PPFIA3: variants seen among roughly 807,000 people sequenced by gnomAD.
The protein encoded by PPFIA3 is PPFI scaffold protein A3.
A neutral mutation model predicts 145.8 loss-of-function variants in PPFIA3; 26 were observed. The observed-to-expected ratio is 0.18, with a 90% confidence interval of 0.13 to 0.25. The LOEUF is 0.25. Among genes scored for constraint, PPFIA3 ranks in the 10% least tolerant of loss-of-function variants. PPFIA3 has a pLI of 1.00. For missense variants in PPFIA3, 1,008 were observed against 1,587.8 expected, an observed-to-expected ratio of 0.63 and a Z score of 6.21; for synonymous variants, 645 against 661.4, an observed-to-expected ratio of 0.98 and a Z score of 0.38.
At chr19:49,125,851 G>A (rs1350693280) in intron 1 of PPFIA3, among the ~76,000 whole-genome samples, 1 of 152,164 alleles carries the variant, frequency 6.6e-6, no homozygotes, top group Non-Finnish European at 1.5e-5. Context: ...TGAGGGAGGC[G>A]GGAGCTAGTT....
chr19:49,141,594 G>T, intron 19 of PPFIA3, 81 bp downstream of exon 19: 1 of 1,097,232 alleles, frequency 9.1e-7, no homozygotes, highest in Non-Finnish European at 1.3e-6. Flanking sequence ...GTGTATGTGT[G>T]TGTATGAGTG....
intron 24 of PPFIA3, 79 bp from the exon 25 acceptor site, chr19:49,148,587 C>CAGTG (rs2041306045): frequency 7.9e-6 from 9 of 1,137,760 alleles, no homozygotes; most frequent in Non-Finnish European, 1.0e-5. Context: ...AGAGCGCAGC[C>CAGTG]AGTGGGGAGG....
At chr19:49,138,956 G>A (rs1045091609) in intron 16 of PPFIA3, among the ~76,000 whole-genome samples, 1 of 144,034 alleles carries the variant, frequency 6.9e-6, no homozygotes, top group Non-Finnish European at 1.6e-5. Context: ...GGGAGACAGA[G>A]TGAAACTGTG....
intron 1 of PPFIA3, among the ~76,000 whole-genome samples, chr19:49,123,185 C>T (rs1029727067): frequency 2.6e-5 from 4 of 151,944 alleles, no homozygotes; most frequent in East Asian, 1.9e-4. Context: ...CATGCCACCA[C>T]GCCTGGCTAA....
At chr19:49,119,979 C>T (rs906934877) in intron 1 of PPFIA3, among the ~76,000 whole-genome samples, 3 of 151,968 alleles carry the variant, frequency 2.0e-5, no homozygotes, top group Admixed American at 2.0e-4. Context: ...GGTCCGGCCC[C>T]GGGACCCCTC....
chr19:49,133,469 C>A lies in PPFIA3; in HGVS notation c.1161+98C>A, dbSNP rs1351258094. ...TGGAGGGGTAGGAGCGAGGTCAGAACCCCGGATTTGGGGGAAAGGGTGGGG... is the reference window on the plus strand; with the variant it reads ...TGGAGGGGTAGGAGCGAGGTCAGAAACCCGGATTTGGGGGAAAGGGTGGGG... On this transcript the variant is annotated intron_variant, in intron 9 of 29. Transcript: ENST00000334186. This position sits in a 1 kb window ranked among gnomAD's most constrained non-coding sequence, Gnocchi z 7.2. 2 of 1,386,460 alleles carry A rather than the reference C, an allele frequency of 1.4e-6. No individual in the cohort carries two copies. The highest frequency in any genetic ancestry group is 2.9e-5 in the African/African-American group (2 of 68,710). The allele number at this position is 1,386,460 out of a possible 1,614,324, so 85.9% of individuals were successfully genotyped here.
chr19:49,129,901 C>A, intron 5 of PPFIA3, 92 bp from the exon 6 acceptor site: 1 of 1,361,056 alleles, frequency 7.3e-7, no homozygotes, highest in Non-Finnish European at 1.0e-6. Context: ...TCATATGGGG[C>A]CGCCTATCCC....
rs1555741934 is a variant in PPFIA3, at chr19:49,122,714, G to GGTTTT, written c.-16+2992_-16+2993insGTTTT. 4.4e-5 allele frequency among the ~76,000 whole-genome samples: 5 copies of GGTTTT among 114,874 alleles called. 1 individual carries two copies. Among genetic ancestry groups the GGTTTT allele is most frequent in the Admixed American group, 9.5e-5 (1 of 10,504 alleles). The allele number at this position is 114,874 out of a possible 152,430, so 75.4% of individuals were successfully genotyped here. A position where few individuals can be genotyped will look rare whatever the true frequency, so the allele number is the denominator to read the frequency against. On this transcript the variant is annotated intron_variant, in intron 1 of 29. Transcript: ENST00000334186. Reference sequence around the variant, plus strand: ...TTTTTGTTGTTGTTGTTGTTTAGTTGTTTTTTTTTTTTTTTTTTTTGGCGG... The same window carrying GGTTTT: ...TTTTTGTTGTTGTTGTTGTTTAGTTGGTTTTTTTTTTTTTTTTTTTTTTTTGGCGG...
intron 1 of PPFIA3, among the ~76,000 whole-genome samples, chr19:49,126,244 G>A (rs537325248): frequency 4.7e-5 from 7 of 150,454 alleles, no homozygotes; most frequent in South Asian, 2.1e-4. Context: ...CACCTTGCCC[G>A]GCCGTTACTG....
At chr19:49,145,776 A>G (rs764120601) in intron 21 of PPFIA3, 167 bp from the exon 22 acceptor site, 194 of 658,020 alleles carry the variant, frequency 2.9e-4, no homozygotes, top group Middle Eastern at 5.0e-4. Context: ...TGCCTGGTAC[A>G]TGGCAGGTGC....
chr19:49,145,372 C>G (rs2041268482), intron 21 of PPFIA3, among the ~76,000 whole-genome samples: 1 of 152,162 alleles, frequency 6.6e-6, no homozygotes, highest in Non-Finnish European at 1.5e-5. Context: ...ATTTACTATT[C>G]ACTCTGTATT....
chr19:49,132,920 T>G, intron 7 of PPFIA3, 81 bp from the exon 8 acceptor site: 1 of 1,538,386 alleles, frequency 6.5e-7, no homozygotes, highest in Non-Finnish European at 8.8e-7. Context: ...TCAGGGCACT[T>G]TGTTTCCCAG....
intron 25 of PPFIA3, 86 bp from the exon 26 acceptor site, chr19:49,148,907 G>T: frequency 1.3e-6 from 2 of 1,585,250 alleles, no homozygotes; most frequent in African/African-American, 1.3e-5. Context: ...GTGGCCCGAA[G>T]AGACCAAATG....
Position 49,120,595 on chromosome 19 carries a change from C to G in PPFIA3, c.-16+873C>G, listed in dbSNP as rs1391187251. ...TCCCCAGCGTTTGCTCTGCTTAGAA[C>G]CCCGCTGTGCCCTGCAGACACACAG... On this transcript the variant is annotated intron_variant, in intron 1 of 29. Transcript: ENST00000334186. The surrounding 1 kb of genome is among the most constrained non-coding windows in gnomAD (Gnocchi z 4.6). Among the ~76,000 whole-genome samples the G allele has an allele frequency of 6.6e-6, 1 of 152,172 alleles. No individual in the cohort carries two copies. The highest frequency in any genetic ancestry group is 1.5e-5 in the Non-Finnish European group (1 of 68,018).
Position 49,130,181 on chromosome 19 carries a change from A to AGT in PPFIA3, c.657+117_657+118dup. ...GCCCTAAGACGGCTGCACCTGTAAG[A>AGT]GTGTCACAGAGCTTGGACCTCTGAT... On this transcript the variant is annotated intron_variant, in intron 6 of 29. Coordinates refer to ENST00000334186, the MANE Select transcript of PPFIA3 (RefSeq NM_003660.4). The surrounding 1 kb of genome is among the most constrained non-coding windows in gnomAD (Gnocchi z 4.5). 8.1e-7 allele frequency: 1 copy of AGT among 1,239,298 alleles called. No individual in the cohort carries two copies. The highest frequency in any genetic ancestry group is 1.5e-5 in the South Asian group (1 of 67,368). 76.8% of individuals were successfully genotyped at this position (1,239,298 alleles called of 1,614,324 possible).
In PPFIA3 at chr19:49,148,783, C is replaced by A. The variant is rs140960753; in HGVS notation, c.3109+20C>A. 3.0e-3 allele frequency: 4,801 copies of A among 1,602,942 alleles called. 11 individuals are homozygous for A. Among genetic ancestry groups the A allele is most frequent in the Non-Finnish European group, 3.4e-3 (4,016 of 1,170,188 alleles). ...TCCGAGGTGAGTAGAGCCTAAGGGT[C>A]CCTTTGGGAGCCAGGTGGAGGGCGT... On this transcript the variant is annotated intron_variant, in intron 25 of 29. Coordinates refer to ENST00000334186, the MANE Select transcript of PPFIA3 (RefSeq NM_003660.4).
chr19:49,133,169 G>A lies in PPFIA3; in HGVS notation c.1026+22G>A, dbSNP rs2041095654. ...GCAGGTGGGGGCGCGGCCGGGAGGGGCGATGGGGGCGGTGCCGGGGCCCAA... is the reference window on the plus strand; with the variant it reads ...GCAGGTGGGGGCGCGGCCGGGAGGGACGATGGGGGCGGTGCCGGGGCCCAA... On this transcript the variant is annotated intron_variant, in intron 8 of 29. Coordinates refer to ENST00000334186, the MANE Select transcript of PPFIA3 (RefSeq NM_003660.4). This position sits in a 1 kb window ranked among gnomAD's most constrained non-coding sequence, Gnocchi z 7.2. 3 of 1,586,162 alleles carry A rather than the reference G, an allele frequency of 1.9e-6. No homozygotes were observed. The highest frequency in any genetic ancestry group is 1.1e-5 in the South Asian group (1 of 87,262).
chr19:49,149,425 CGGGGCCAGGAGA>C lies in PPFIA3; in HGVS notation c.3354+106_3355-105del. 6.3e-7 allele frequency: 1 copy of C among 1,583,878 alleles called. No individual in the cohort carries two copies. The highest frequency in any genetic ancestry group is 1.7e-5 in the Admixed American group (1 of 59,324). ...GACTATTAATGGTCACGGTTGGAGG[CGGGGCCAGGAGA>C]GGGGCGGGGTTAAAGGAGAGGTGAG... On this transcript the variant is annotated intron_variant, in intron 27 of 29. Coordinates refer to ENST00000334186, the MANE Select transcript of PPFIA3 (RefSeq NM_003660.4). This position sits in a 1 kb window ranked among gnomAD's most constrained non-coding sequence, Gnocchi z 5.7.
In PPFIA3 at chr19:49,150,282, C is replaced by A. The variant is rs941608900; in HGVS notation, c.*60C>A. ...AATCTTCCCGAGGCTGGGCTGTTCC[C>A]TCTCCTGCCCGGACTGTGGCCTCGC... On this transcript the variant is annotated 3_prime_UTR_variant, in exon 30 of 30. Transcript: ENST00000334186. The A allele has an allele frequency of 2.3e-6, 2 of 885,470 alleles. No homozygotes were observed. The highest frequency in any genetic ancestry group is 1.7e-5 in the African/African-American group (1 of 59,456). The allele number at this position is 885,470 out of a possible 1,614,324, so 54.9% of individuals were successfully genotyped here.
Sources: allele counts gnomAD v4.1 joint callset (sites outside exome capture counted in the v4.1 genomes callset), GRCh38; gene constraint gnomAD v4.1.1; non-coding constraint Gnocchi (gnomAD v3.1); transcripts MANE v1.5; gene names NCBI Gene and HGNC (gene_info 2026-07-23, HGNC 2026-07-21).